Variants in TIAL1 observed in about 807,000 individuals in gnomAD.
TIAL1 encodes TIA1 cytotoxic granule associated RNA binding protein like 1.
In TIAL1, 7 loss-of-function variants were observed where a neutral mutation model predicts 59.7. The ratio of observed to expected loss-of-function variants is 0.12; its 90% CI spans 0.07 to 0.22. TIAL1 has a LOEUF of 0.22. TIAL1 is among the 10% of genes least tolerant of loss of function. The probability of loss-of-function intolerance (pLI) is 1.00; values close to 1 mark genes in which losing one functional copy is unlikely to be tolerated. For synonymous variants in TIAL1, 149 were observed against 146.3 expected (o/e 1.02, Z -0.13); for missense variants, 225 against 462.5 (o/e 0.49, Z 4.71).
chr10:119,588,689 C>A (rs1845699547), intron 1 of TIAL1, among the ~76,000 whole-genome samples: 1 of 152,134 alleles, frequency 6.6e-6, no homozygotes, highest in African/African-American at 2.4e-5. Context: ...CAAAATTTCT[C>A]CAATTAAACC....
chr10:119,593,453 T>A, intron 1 of TIAL1: 1 of 984,382 alleles, frequency 1.0e-6, no homozygotes, highest in South Asian at 4.7e-5. Flanking sequence ...AAGACCTACC[T>A]AGGCTCTAAA....
chr10:119,590,732 G>C (rs1475490770), intron 1 of TIAL1, among the ~76,000 whole-genome samples: 2 of 137,014 alleles, frequency 1.5e-5, no homozygotes, highest in African/African-American at 5.7e-5. Context: ...AAAAAAGAAA[G>C]AGAGAAAGAG....
At chr10:119,590,625 G>A (rs1196449502) in intron 1 of TIAL1, among the ~76,000 whole-genome samples, 4 of 151,828 alleles carry the variant, frequency 2.6e-5, no homozygotes, top group African/African-American at 7.3e-5. Flanking sequence ...CAGGAGAATC[G>A]CTTGAACCTG....
Position 119,575,493 on chromosome 10 carries a change from G to A in TIAL1, c.*172C>T. 2 of 688,304 alleles carry A rather than the reference G, an allele frequency of 2.9e-6. No homozygotes were observed. The highest frequency in any genetic ancestry group is 4.5e-6 in the Non-Finnish European group (2 of 447,496). 42.6% of individuals were successfully genotyped at this position (688,304 alleles called of 1,614,324 possible). A position where few individuals can be genotyped will look rare whatever the true frequency, so the allele number is the denominator to read the frequency against. On this transcript the variant is annotated 3_prime_UTR_variant, in exon 12 of 12. Transcript: ENST00000436547. ...CCATCATGAACAAAAACTTAAAAAG[G>A]CAGAACTAGAAGACACGTGTCCTTC... is the stretch of plus-strand genomic sequence containing the variant.
chr10:119,576,834 A>C (rs975062440), intron 10 of TIAL1, 84 bp from the exon 11 acceptor site: 13 of 1,543,926 alleles, frequency 8.4e-6, no homozygotes, highest in African/African-American at 1.4e-5. Flanking sequence ...GAAGAGAAAA[A>C]CTAAGTAAGC....
intron 2 of TIAL1, among the ~76,000 whole-genome samples, chr10:119,587,200 A>C (rs186343924): frequency 4.6e-5 from 7 of 152,236 alleles, no homozygotes; most frequent in South Asian, 2.1e-4. Flanking sequence ...CCTTTCCATA[A>C]ACTCCTGCCA....
chr10:119,588,322 T>C lies in TIAL1; in HGVS notation c.33-74A>G, dbSNP rs1845671915. The C allele has an allele frequency of 9.7e-6, 8 of 826,204 alleles. No homozygotes were observed. The East Asian group carries it at 2.0e-4, about 20-fold the overall frequency. The allele number at this position is 826,204 out of a possible 1,614,324, so 51.2% of individuals were successfully genotyped here. The stretch of plus-strand genomic sequence containing the variant: ...CTCTAATGTGTTATCATCTAATTCA[T>C]CACCTTTTCTTTCTTTCTTTCTTTC... On this transcript the variant is annotated intron_variant, in intron 1 of 11. Transcript: ENST00000436547.
In TIAL1 at chr10:119,577,735, G is replaced by A. The variant is rs1191484434; in HGVS notation, c.558C>T (p.Asn186=). 1.2e-6 allele frequency: 2 copies of A among 1,612,450 alleles called. No individual in the cohort carries two copies. The highest frequency in any genetic ancestry group is 1.3e-5 in the African/African-American group (1 of 74,884). ...CTTCAAATCTCAACTGCTTAGTGTTGTCTGTATGCAGAAACAAAACAAAAA... is the reference window on the plus strand; with the variant it reads ...CTTCAAATCTCAACTGCTTAGTGTTATCTGTATGCAGAAACAAAACAAAAA... The part of the protein sequence containing the change: ...KPPAPKSTQE[N]NTKQLRFEDV... Residue 186 remains asparagine, a splice_region_variant and synonymous_variant, in exon 8 of 12, where the codon AAC becomes AAT. Coordinates refer to ENST00000436547, the MANE Select transcript of TIAL1 (RefSeq NM_003252.4).
intron 1 of TIAL1, among the ~76,000 whole-genome samples, chr10:119,596,174 A>G (rs1659850647): frequency 1.3e-5 from 2 of 152,128 alleles, no homozygotes; most frequent in African/African-American, 4.8e-5. Context: ...AACCCGGCCT[A>G]GGGAGGGCAT....
intron 1 of TIAL1, 69 bp downstream of exon 1, chr10:119,596,365 C>T (rs1846190709): frequency 2.5e-6 from 4 of 1,579,616 alleles, no homozygotes; most frequent in Non-Finnish European, 3.5e-6. Flanking sequence ...GTCTCTCCTG[C>T]TCCCTCCCTT....
Position 119,579,819 on chromosome 10 carries a change from T to C in TIAL1, c.447+116A>G, listed in dbSNP as rs1241955531. 10 of 716,026 alleles carry C rather than the reference T, an allele frequency of 1.4e-5. No individual in the cohort carries two copies. In the Admixed American group the frequency reaches 3.4e-4, roughly 25 times the overall value. 44.4% of individuals were successfully genotyped at this position (716,026 alleles called of 1,614,324 possible). A position where few individuals can be genotyped will look rare whatever the true frequency, so the allele number is the denominator to read the frequency against. On this transcript the variant is annotated intron_variant, in intron 6 of 11. Coordinates refer to ENST00000436547, the MANE Select transcript of TIAL1 (RefSeq NM_003252.4). Reference sequence around the variant, plus strand: ...TTATTAAAACATACATAACATTACATAAAAGTTGTGTTTGTAGTTAACATT... The same window carrying C: ...TTATTAAAACATACATAACATTACACAAAAGTTGTGTTTGTAGTTAACATT...
Position 119,593,976 on chromosome 10 carries a change from A to C in TIAL1, c.32+2458T>G, listed in dbSNP as rs76975763. On this transcript the variant is annotated intron_variant, in intron 1 of 11. Transcript: ENST00000436547. ...AATACTAATTTAATGAAAGAAGTAT[A>C]ATCACTGTAGAAATTCTGAGTACCT... is the stretch of plus-strand genomic sequence containing the variant. Among the ~76,000 whole-genome samples, 1,476 of 152,232 alleles carry C rather than the reference A, an allele frequency of 9.7e-3. 46 individuals carry two copies. In the South Asian group the frequency reaches 0.099, roughly 10 times the overall value.
At chr10:119,580,584 G>A (rs947576390) in intron 5 of TIAL1, 10 of 998,602 alleles carry the variant, frequency 1.0e-5, no homozygotes, top group Non-Finnish European at 1.1e-5. Context: ...TAAGAAAGGA[G>A]AATAAAAAAC....
rs1844801676 is a variant in TIAL1, at chr10:119,573,516, T to C, written c.*2149A>G. ...GATAATTTTATTAAATCATAGAATA[T>C]ACAGTCAGGAAACACTACAGCTATA... On this transcript the variant is annotated 3_prime_UTR_variant, in exon 12 of 12. Coordinates refer to ENST00000436547, the MANE Select transcript of TIAL1 (RefSeq NM_003252.4). 6.6e-6 allele frequency: 1 copy of C among 152,564 alleles called. No homozygotes were observed. The highest frequency in any genetic ancestry group is 2.4e-5 in the African/African-American group (1 of 41,428). The allele number at this position is 152,564 out of a possible 1,614,324, so 9.5% of individuals were successfully genotyped here.
chr10:119,574,586 C>CAAAAAAAAAAAAAAAAAA lies in TIAL1; in HGVS notation c.*1061_*1078dup, dbSNP rs5788360. The CAAAAAAAAAAAAAAAAAA allele has an allele frequency of 8.3e-4, 72 of 86,550 alleles. 1 individual carries two copies. The highest frequency in any genetic ancestry group is 9.2e-4 in the Non-Finnish European group (44 of 47,616). The allele number at this position is 86,550 out of a possible 1,614,324, so 5.4% of individuals were successfully genotyped here. A position where few individuals can be genotyped will look rare whatever the true frequency, so the allele number is the denominator to read the frequency against. ...TATTTACATACCAAGTAATGTAAAG[C>CAAAAAAAAAAAAAAAAAA]AAAAAAAAAAAAAAAAAAAAACAAA... On this transcript the variant is annotated 3_prime_UTR_variant, in exon 12 of 12. Transcript: ENST00000436547.
intron 5 of TIAL1, chr10:119,580,957 T>C (rs1845273269): frequency 1.3e-5 from 5 of 379,088 alleles, no homozygotes; most frequent in Non-Finnish European, 1.9e-5. Flanking sequence ...ATTATTTTTA[T>C]ATTGATTTTT....
intron 6 of TIAL1, among the ~76,000 whole-genome samples, chr10:119,579,149 G>A (rs901943530): frequency 6.6e-5 from 10 of 152,026 alleles, no homozygotes; most frequent in Middle Eastern, 3.2e-3. Context: ...CTAGCCTGGC[G>A]AACCCAAGTG....
chr10:119,577,558 A>G (rs771018086), intron 8 of TIAL1, 23 bp from the exon 9 acceptor site: 6 of 1,610,590 alleles, frequency 3.7e-6, no homozygotes, highest in Non-Finnish European at 5.1e-6. Context: ...ACATACAAAT[A>G]AAACATGGCT....
intron 1 of TIAL1, among the ~76,000 whole-genome samples, chr10:119,593,965 G>C (rs745756330): frequency 4.6e-5 from 7 of 151,602 alleles, no homozygotes; most frequent in Non-Finnish European, 1.0e-4. Context: ...CTAATTTAAT[G>C]AAAGAAGTAT....
Sources: allele counts gnomAD v4.1 joint callset (sites outside exome capture counted in the v4.1 genomes callset), GRCh38; gene constraint gnomAD v4.1.1; transcripts MANE v1.5; gene names NCBI Gene and HGNC (gene_info 2026-07-23, HGNC 2026-07-21).